PCDHGA12: variants seen among roughly 807,000 people sequenced by gnomAD.
PCDHGA12 encodes the protein protocadherin gamma-A12.
Under a neutral mutation model 61.1 loss-of-function variants are expected in PCDHGA12, and 43 were observed. The ratio of observed to expected loss-of-function variants is 0.70; its 90% CI spans 0.55 to 0.91. The LOEUF (loss-of-function observed/expected upper bound fraction) is 0.91. Ranked by LOEUF, PCDHGA12 falls within the 40% of genes least tolerant of loss-of-function variation. The pLI is 0.00. For missense variants in PCDHGA12, 1,236 were observed against 1,227.7 expected (o/e 1.01, Z -0.10); for synonymous variants, 520 against 542.9 (o/e 0.96, Z 0.59).
Position 141,485,992 on chromosome 5 carries a change from C to T in PCDHGA12, c.2425-8815C>T. The T allele has an allele frequency of 6.2e-7, 1 of 1,614,156 alleles. No individual in the cohort carries two copies. The highest frequency in any genetic ancestry group is 2.2e-5 in the East Asian group (1 of 44,870). On this transcript the variant is annotated intron_variant, in intron 1 of 3. Coordinates refer to ENST00000252085, the MANE Select transcript of PCDHGA12 (RefSeq NM_003735.3). The surrounding 1 kb of genome is among the most constrained non-coding windows in gnomAD (Gnocchi z 5.7). ...ATGCCTCAGACCCGGACCTGGGTCC[C>T]AGTGGTAACGTCACCTTTTATTTCA...
chr5:141,506,017 C>G (rs2099850061), intron 3 of PCDHGA12, among the ~76,000 whole-genome samples: 1 of 152,176 alleles, frequency 6.6e-6, no homozygotes, highest in Non-Finnish European at 1.5e-5. Flanking sequence ...TTTGCTGCCC[C>G]TAACTCCAGA....
chr5:141,510,839 C>T (rs186647886), intron 3 of PCDHGA12, 108 bp from the exon 4 acceptor site: 36 of 1,586,990 alleles, frequency 2.3e-5, no homozygotes, highest in Non-Finnish European at 3.1e-5. Context: ...TCAGCGTGGT[C>T]AAGGCCCAGG....
intron 1 of PCDHGA12, among the ~76,000 whole-genome samples, chr5:141,494,529 G>C (rs952931724): frequency 1.3e-5 from 2 of 152,132 alleles, no homozygotes; most frequent in African/African-American, 4.8e-5. Flanking sequence ...TCTGACTCTG[G>C]GGGCAGGGAG....
intron 1 of PCDHGA12, among the ~76,000 whole-genome samples, chr5:141,469,716 A>G (rs1189597018): frequency 3.9e-5 from 6 of 152,260 alleles, no homozygotes; most frequent in African/African-American, 1.4e-4. Context: ...CACTATTAGG[A>G]ATTTATCATA....
At chr5:141,508,033 C>A (rs1596123382) in intron 3 of PCDHGA12, 1 of 152,290 alleles carries the variant, frequency 6.6e-6, no homozygotes, top group Non-Finnish European at 1.5e-5. Flanking sequence ...GTTTGCAGCT[C>A]AGCCAGCTGT....
chr5:141,489,069 C>G lies in PCDHGA12; in HGVS notation c.2425-5738C>G. ...TCAAATTCAGCTCCCCTCCCCCCTGCCCACCCCCGCCACTCGGTGACTAAG... is the reference window on the plus strand; with the variant it reads ...TCAAATTCAGCTCCCCTCCCCCCTGGCCACCCCCGCCACTCGGTGACTAAG... On this transcript the variant is annotated intron_variant, in intron 1 of 3. Coordinates refer to ENST00000252085, the MANE Select transcript of PCDHGA12 (RefSeq NM_003735.3). The surrounding 1 kb of genome is among the most constrained non-coding windows in gnomAD (Gnocchi z 4.5). 6.4e-5 allele frequency: 18 copies of G among 281,056 alleles called. No homozygotes were observed. Among genetic ancestry groups the G allele is most frequent in the Middle Eastern group, 1.1e-3 (1 of 944 alleles). 17.4% of individuals were successfully genotyped at this position (281,056 alleles called of 1,614,324 possible).
chr5:141,431,536 G>T lies in PCDHGA12; in HGVS notation c.777G>T (p.Thr259=). Reference sequence around the variant, plus strand: ...TTCCGGAGAATCTGGCCTTGGGCACGCAGCTGCTTGTAGTCAACGCTACCG... The same window carrying T: ...TTCCGGAGAATCTGGCCTTGGGCACTCAGCTGCTTGTAGTCAACGCTACCG... ...ASVPENLALG[T]QLLVVNATDP... is the part of the protein sequence containing the mutation. Residue 259 remains threonine (T), a synonymous_variant, in exon 1 of 4, where the codon ACG becomes ACT. Coordinates refer to ENST00000252085, the MANE Select transcript of PCDHGA12 (RefSeq NM_003735.3). The surrounding 1 kb of genome is among the most constrained non-coding windows in gnomAD (Gnocchi z 4.8). 6.2e-7 allele frequency: 1 copy of T among 1,614,068 alleles called. No homozygotes were observed. Among genetic ancestry groups the T allele is most frequent in the Non-Finnish European group, 8.5e-7 (1 of 1,180,022 alleles).
In PCDHGA12 at chr5:141,491,638, G is replaced by A. The variant is rs2099723160; in HGVS notation, c.2425-3169G>A. The A allele has an allele frequency of 6.2e-7, 1 of 1,613,898 alleles. No individual in the cohort carries two copies. The highest frequency in any genetic ancestry group is 1.3e-5 in the African/African-American group (1 of 75,074). ...ACCCCTCAGCGTTCAGCAGCCCACA[G>A]CTCTGGCGCTGGAGCCTGACGCCAT... On this transcript the variant is annotated intron_variant, in intron 1 of 3. Coordinates refer to ENST00000252085, the MANE Select transcript of PCDHGA12 (RefSeq NM_003735.3). The surrounding 1 kb of genome is among the most constrained non-coding windows in gnomAD (Gnocchi z 6.9).
At position 141,487,934 on chromosome 5, in the gene PCDHGA12, C is replaced by G; in HGVS notation, c.2425-6873C>G. 4.9e-6 allele frequency: 3 copies of G among 607,674 alleles called. No individual in the cohort carries two copies. Among genetic ancestry groups the G allele is most frequent in the Non-Finnish European group, 5.8e-6 (2 of 347,576 alleles). The allele number at this position is 607,674 out of a possible 1,614,324, so 37.6% of individuals were successfully genotyped here. A position where few individuals can be genotyped will look rare whatever the true frequency, so the allele number is the denominator to read the frequency against. On this transcript the variant is annotated intron_variant, in intron 1 of 3. Transcript: ENST00000252085. The surrounding 1 kb of genome is among the most constrained non-coding windows in gnomAD (Gnocchi z 5.0). ...ACAGGAGGCTACAGTGCACAGGGTA[C>G]AGTGCACCAGGCAGTCACTTGGACA... is the stretch of plus-strand genomic sequence containing the variant.
rs754178145 is a variant in PCDHGA12 at position 141,489,423 on chromosome 5, C to G, written c.2425-5384C>G. On this transcript the variant is annotated intron_variant, in intron 1 of 3. Transcript: ENST00000252085. The surrounding 1 kb of genome is among the most constrained non-coding windows in gnomAD (Gnocchi z 4.5). ...GCTTAAAGATGACAGATCTGTTGAG[C>G]CGGCGGCTGCAATTGGGCTCTGAGG... 3 of 1,614,098 alleles carry G rather than the reference C, an allele frequency of 1.9e-6. No individual in the cohort carries two copies. The highest frequency in any genetic ancestry group is 1.7e-5 in the Admixed American group (1 of 60,020).
rs1334650353 is a variant in PCDHGA12, at chr5:141,493,099, A to T, written c.2425-1708A>T. Among the ~76,000 whole-genome samples, 1 of 152,192 alleles carries T rather than the reference A, an allele frequency of 6.6e-6. No homozygotes were observed. Among genetic ancestry groups the T allele is most frequent in the East Asian group, 1.9e-4 (1 of 5,198 alleles). On this transcript the variant is annotated intron_variant, in intron 1 of 3. Coordinates refer to ENST00000252085, the MANE Select transcript of PCDHGA12 (RefSeq NM_003735.3). This position sits in a 1 kb window ranked among gnomAD's most constrained non-coding sequence, Gnocchi z 4.3. ...CTCCAGGAGCTTTTATTCAAAATAT[A>T]TCAATGCCTAACTCTGCTCCTAGGA... is the stretch of plus-strand genomic sequence containing the variant.
intron 1 of PCDHGA12, among the ~76,000 whole-genome samples, chr5:141,460,976 T>C (rs1444476508): frequency 7.6e-6 from 1 of 131,636 alleles, no homozygotes; most frequent in Non-Finnish European, 1.6e-5. Flanking sequence ...TGTGTGTGTG[T>C]GTGTGTGTAT....
At chr5:141,437,312 G>T (rs2097875410) in intron 1 of PCDHGA12, among the ~76,000 whole-genome samples, 1 of 152,176 alleles carries the variant, frequency 6.6e-6, no homozygotes, top group South Asian at 2.1e-4. Context: ...AAAGCGTTCA[G>T]CTATAATTTA....
chr5:141,441,811 C>A (rs1007948586), intron 1 of PCDHGA12: 2 of 370,710 alleles, frequency 5.4e-6, no homozygotes, highest in African/African-American at 2.2e-5. Flanking sequence ...GTGCTGTACC[C>A]CAGCTCTGGA....
rs374253072 is a variant in PCDHGA12, at chr5:141,476,894, G to A, written c.2425-17913G>A. ...GCGCGTCCTGGAGGATGCACCCTCCGGCACGCGCGTGGTACAAGTCCTTGC... is the reference window on the plus strand; with the variant it reads ...GCGCGTCCTGGAGGATGCACCCTCCAGCACGCGCGTGGTACAAGTCCTTGC... On this transcript the variant is annotated intron_variant, in intron 1 of 3. Transcript: ENST00000252085. The surrounding 1 kb of genome is among the most constrained non-coding windows in gnomAD (Gnocchi z 7.6). 48 of 1,613,834 alleles carry A rather than the reference G, an allele frequency of 3.0e-5. No homozygotes were observed. In the African/African-American group the frequency reaches 5.6e-4, roughly 19 times the overall value.
chr5:141,497,540 CTTT>C (rs754207034), intron 2 of PCDHGA12, among the ~76,000 whole-genome samples: 11 of 134,886 alleles, frequency 8.2e-5, no homozygotes, highest in African/African-American at 1.9e-4. Context: ...TGCAACAAAC[CTTT>C]TTTTTTTTTT....
In PCDHGA12 at chr5:141,433,038, C is replaced by A; in HGVS notation, c.2279C>A (p.Thr760Asn). The change falls in exon 1 of 4, where the codon ACC (threonine) becomes AAC (asparagine). Residue 760 changes from threonine (T) to asparagine (N), a missense_variant. Thr to Asn is a moderately conservative substitution (Grantham distance 65). Transcript: ENST00000252085. Reference protein sequence around the residue: ...LQTYSHEVSLTTDSRKSHLIF... With the variant: ...LQTYSHEVSLNTDSRKSHLIF... Reference sequence around the variant, plus strand: ...ACCTATTCCCACGAGGTTTCCCTCACCACGGACTCGCGGAAGAGTCACCTG... The same window carrying A: ...ACCTATTCCCACGAGGTTTCCCTCAACACGGACTCGCGGAAGAGTCACCTG... The A allele has an allele frequency of 1.9e-6, 3 of 1,614,180 alleles. No homozygotes were observed. Among genetic ancestry groups the A allele is most frequent in the Non-Finnish European group, 2.5e-6 (3 of 1,180,032 alleles).
In PCDHGA12 at chr5:141,451,935, A is replaced by G. The variant is rs148815534; in HGVS notation, c.2424+18752A>G. Among the ~76,000 whole-genome samples, 120 of 152,282 alleles carry G rather than the reference A, an allele frequency of 7.9e-4. 5 individuals carry two copies. The East Asian group carries it at 0.017, about 21-fold the overall frequency. ...GAGGAAGGAAGGGAGGTAGGGAGGC[A>G]GGGAAAGACCGAGAAAGTGACATAC... On this transcript the variant is annotated intron_variant, in intron 1 of 3. Coordinates refer to ENST00000252085, the MANE Select transcript of PCDHGA12 (RefSeq NM_003735.3).
chr5:141,484,959 C>A, intron 1 of PCDHGA12: 2 of 575,576 alleles, frequency 3.5e-6, no homozygotes, highest in Non-Finnish European at 6.2e-6. Flanking sequence ...ATTGGCTGAG[C>A]CCGGGAGCCG....
Sources: gnomAD v4.1 joint callset for allele counts (sites outside exome capture counted in the v4.1 genomes callset) on GRCh38, gnomAD v4.1.1 for gene constraint, Gnocchi (gnomAD v3.1) non-coding constraint, MANE v1.5 for transcripts, NCBI Gene and HGNC (gene_info 2026-07-23, HGNC 2026-07-21) for gene names.